Variants in CYP2B6 observed in about 807,000 individuals in gnomAD.
CYP2B6 encodes cytochrome P450 2B6.
A neutral mutation model predicts 43.4 loss-of-function variants in CYP2B6; 35 were observed. The ratio of observed to expected loss-of-function variants is 0.81; its 90% CI spans 0.62 to 1.07. The LOEUF (loss-of-function observed/expected upper bound fraction) is 1.07, where lower values mean the gene tolerates loss of function less well. Among genes scored for constraint, CYP2B6 ranks in the 50% least tolerant of loss-of-function variants. The pLI is 0.00. For missense variants in CYP2B6, 624 were observed against 632.8 expected (o/e 0.99, Z 0.15); for synonymous variants, 239 against 239.2 (o/e 1.00, Z 0.01).
At position 41,016,675 on chromosome 19, in the gene CYP2B6, G is replaced by A. The variant is rs541481501; in HGVS notation, c.1324G>A (p.Ala442Thr). Reference protein sequence around the residue: ...GKRICLGEGIARAELFLFFTT... With the variant: ...GKRICLGEGITRAELFLFFTT... ...GCGGATTTGTCTTGGTGAAGGCATC[G>A]CCCGTGCGGAATTGTTCCTCTTCTT... The change falls in exon 9 of 9, where the codon GCC (alanine) becomes ACC (threonine). Residue 442 changes from alanine to threonine, a missense_variant. Coordinates refer to ENST00000324071, the MANE Select transcript of CYP2B6 (RefSeq NM_000767.5). 2.4e-5 allele frequency: 39 copies of A among 1,614,062 alleles called. No homozygotes were observed. The South Asian group carries it at 3.7e-4, about 15-fold the overall frequency.
chr19:41,008,551 C>T lies in CYP2B6; in HGVS notation c.646-668C>T, dbSNP rs182038308. Among the ~76,000 whole-genome samples the T allele has an allele frequency of 1.0e-4, 15 of 147,684 alleles. No individual in the cohort carries two copies. The East Asian group carries it at 1.2e-3, about 12-fold the overall frequency. On this transcript the variant is annotated intron_variant, in intron 4 of 8. Transcript: ENST00000324071. The stretch of plus-strand genomic sequence containing the variant: ...CTGATCTGGAAAGTCTGGGATGGGG[C>T]CCAAGGTGAGTACTTGTAACAAGCC...
chr19:40,999,880 G>T (rs1214195390), intron 1 of CYP2B6, among the ~76,000 whole-genome samples: 2 of 151,904 alleles, frequency 1.3e-5, no homozygotes, highest in Non-Finnish European at 2.9e-5. Context: ...ATGTGTTTGG[G>T]GGACGGTCTC....
chr19:41,009,056 G>A (rs1012636692), intron 4 of CYP2B6, among the ~76,000 whole-genome samples, 163 bp from the exon 5 acceptor site: 23 of 149,570 alleles, frequency 1.5e-4, no homozygotes, highest in Non-Finnish European at 2.4e-4. Flanking sequence ...GTAAATGTGA[G>A]ATAGATCAAA....
chr19:40,995,106 T>G (rs1369510643), intron 1 of CYP2B6, among the ~76,000 whole-genome samples: 1 of 152,106 alleles, frequency 6.6e-6, no homozygotes, highest in African/African-American at 2.4e-5. Flanking sequence ...GTCCTATGGA[T>G]TTTCTTGTAA....
Position 41,012,323 on chromosome 19 carries a change from G to T in CYP2B6, c.990G>T (p.Gln330His). The change falls in exon 7 of 9, where the codon CAG (glutamine) becomes CAT (histidine). Residue 330 changes from glutamine (Q) to histidine (H), a missense_variant. Gln to His is a conservative substitution (Grantham distance 24). Transcript: ENST00000324071. ...VAERVYREIE[Q>H]VIGPHRPPEL... is the part of the protein sequence containing the mutation. ...AGAGAGTCTACAGGGAGATTGAACA[G>T]GTGATTGGCCCACATCGCCCTCCAG... 5 of 1,614,104 alleles carry T rather than the reference G, an allele frequency of 3.1e-6. No homozygotes were observed. The highest frequency in any genetic ancestry group is 1.3e-5 in the African/African-American group (1 of 75,028).
intron 3 of CYP2B6, among the ~76,000 whole-genome samples, 161 bp from the exon 4 acceptor site, chr19:41,006,744 C>T (rs1259870552): frequency 1.3e-5 from 2 of 152,082 alleles, no homozygotes; most frequent in African/African-American, 4.8e-5. Context: ...AGTGAGAGTT[C>T]AATGGAATTA....
At chr19:41,010,354 C>T in intron 6 of CYP2B6, among the ~76,000 whole-genome samples, 1 of 151,732 alleles carries the variant, frequency 6.6e-6, no homozygotes, top group East Asian at 1.9e-4. Context: ...TCTTCCATCA[C>T]TTAAGGATTT....
intron 1 of CYP2B6, among the ~76,000 whole-genome samples, chr19:40,994,204 T>A (rs1162664559): frequency 6.6e-6 from 1 of 152,064 alleles, no homozygotes; most frequent in Admixed American, 6.6e-5. Flanking sequence ...ATGGGAGGTA[T>A]TAGGAAACTC....
Position 41,012,475 on chromosome 19 carries a change from T to A in CYP2B6, c.1142T>A (p.Ile381Asn). The change falls in exon 7 of 9, where the codon ATC (isoleucine) becomes AAC (asparagine). Residue 381 changes from isoleucine (I) to asparagine (N), a missense_variant. Transcript: ENST00000324071. ...VTQHTSFRGY[I>N]IPKDTEVFLI... Reference sequence around the variant, plus strand: ...CAACACACCAGCTTCCGAGGGTACATCATCCCCAAGGTAAGACCGGCTGGA... The same window carrying A: ...CAACACACCAGCTTCCGAGGGTACAACATCCCCAAGGTAAGACCGGCTGGA... 6.2e-7 allele frequency: 1 copy of A among 1,614,138 alleles called. No homozygotes were observed.
chr19:41,013,145 A>T, intron 8 of CYP2B6: 1 of 313,992 alleles, frequency 3.2e-6, no homozygotes. Context: ...AATGCATCAA[A>T]CAAGTCACAC....
chr19:40,992,377 G>A (rs1325392213), intron 1 of CYP2B6, among the ~76,000 whole-genome samples: 1 of 152,012 alleles, frequency 6.6e-6, no homozygotes, highest in Non-Finnish European at 1.5e-5. Context: ...CCATCATAAT[G>A]GACTTGTCTG....
chr19:40,995,575 C>T (rs1202143289), intron 1 of CYP2B6, among the ~76,000 whole-genome samples: 1 of 152,172 alleles, frequency 6.6e-6, no homozygotes, highest in Non-Finnish European at 1.5e-5. Context: ...CTGGTGAAAA[C>T]ATGCTTTGGC....
chr19:41,009,300 G>T lies in CYP2B6; in HGVS notation c.727G>T (p.Ala243Ser), dbSNP rs1224748375. 1.2e-6 allele frequency: 2 copies of T among 1,612,870 alleles called. No individual in the cohort carries two copies. The highest frequency in any genetic ancestry group is 3.3e-5 in the Admixed American group (2 of 59,888). Reference protein sequence around the residue: ...QVYKNLQEINAYIGHSVEKHR... With the variant: ...QVYKNLQEINSYIGHSVEKHR... ...TTACAAAAACCTGCAGGAAATCAAT[G>T]CTTACATTGGCCACAGTGTGGAGAA... is the stretch of plus-strand genomic sequence containing the variant. The change falls in exon 5 of 9, where the codon GCT becomes TCT. Residue 243 changes from alanine (A) to serine (S), a missense_variant. Transcript: ENST00000324071.
intron 4 of CYP2B6, chr19:41,007,299 A>G (rs142560662): frequency 4.7e-4 from 259 of 547,548 alleles, no homozygotes; most frequent in African/African-American, 4.2e-3. Context: ...AGAGTCAGAG[A>G]GAGACTGAGA....
chr19:40,996,419 T>TCC (rs1969000298), intron 1 of CYP2B6, among the ~76,000 whole-genome samples: 1 of 152,158 alleles, frequency 6.6e-6, no homozygotes, highest in African/African-American at 2.4e-5. Context: ...TATCTACGGT[T>TCC]ATGGCATTGA....
Position 41,016,894 on chromosome 19 carries a change from G to T in CYP2B6, c.*67G>T. On this transcript the variant is annotated 3_prime_UTR_variant, in exon 9 of 9. Transcript: ENST00000324071. ...AGTGTCCCCGCCTCTGTAGACAATG[G>T]CTCTGACTCCCCGCAACTTCCTGCC... 6.5e-7 allele frequency: 1 copy of T among 1,533,710 alleles called. No individual in the cohort carries two copies. Among genetic ancestry groups the T allele is most frequent in the East Asian group, 2.4e-5 (1 of 42,086 alleles).
At chr19:41,004,768 T>C (rs1050789482) in intron 3 of CYP2B6, among the ~76,000 whole-genome samples, 5 of 152,086 alleles carry the variant, frequency 3.3e-5, no homozygotes, top group South Asian at 2.1e-4. Flanking sequence ...GCAGGAGGAT[T>C]GCTTGAGGCC....
At chr19:40,996,678 A>C (rs904471640) in intron 1 of CYP2B6, among the ~76,000 whole-genome samples, 3 of 152,166 alleles carry the variant, frequency 2.0e-5, no homozygotes, top group Non-Finnish European at 2.9e-5. Flanking sequence ...TCTCTCTTCT[A>C]TGATGAGTCA....
rs1405598587 is a variant in CYP2B6, at chr19:41,004,092, T to C, written c.263T>C (p.Leu88Pro). The change falls in exon 2 of 9, where the codon CTT becomes CCT. Residue 88 changes from leucine (L) to proline (P), a missense_variant. Physicochemically the swap from Leu to Pro is moderately conservative, Grantham distance 98. Transcript: ENST00000324071. ...GGAGTAGAGGCCATACGGGAGGCCC[T>C]TGTGGACAAGGCTGAGGCCTTCTCT... Reference protein sequence around the residue: ...LCGVEAIREALVDKAEAFSGR... With the variant: ...LCGVEAIREAPVDKAEAFSGR... 3.1e-6 allele frequency: 5 copies of C among 1,613,408 alleles called. No homozygotes were observed. Among genetic ancestry groups the C allele is most frequent in the Middle Eastern group, 1.7e-4 (1 of 6,060 alleles).
Sources: gnomAD v4.1 joint callset for allele counts (sites outside exome capture counted in the v4.1 genomes callset) on GRCh38, gnomAD v4.1.1 for gene constraint, MANE v1.5 for transcripts, NCBI Gene and HGNC (gene_info 2026-07-23, HGNC 2026-07-21) for gene names.